Variants in DSCAML1 observed in about 807,000 individuals in gnomAD.
DSCAML1 encodes the protein DS cell adhesion molecule like 1, also known as cell adhesion molecule DSCAML1.
Under a neutral mutation model 200.5 loss-of-function variants are expected in DSCAML1, and 38 were observed. The ratio of observed to expected loss-of-function variants is 0.19; its 90% confidence interval spans 0.15 to 0.25. DSCAML1 has a LOEUF of 0.25. Among genes scored for constraint, DSCAML1 ranks in the 10% least tolerant of loss-of-function variants. DSCAML1 has a pLI of 1.00. For synonymous variants in DSCAML1, 1,215 were observed against 1,165.0 expected (o/e 1.04, Z -0.87); for missense variants, 2,223 against 2,858.8 (o/e 0.78, Z 5.07).
intron 3 of DSCAML1, among the ~76,000 whole-genome samples, chr11:117,771,126 G>A (rs867631210): frequency 3.0e-4 from 46 of 152,240 alleles, no homozygotes; most frequent in Admixed American, 3.9e-4. Flanking sequence ...TTCCAGCACC[G>A]GCACCACCTC....
intron 3 of DSCAML1, among the ~76,000 whole-genome samples, chr11:117,757,736 C>A (rs1480227282): frequency 6.6e-6 from 1 of 151,920 alleles, no homozygotes; most frequent in Non-Finnish European, 1.5e-5. Context: ...CTCAAAATCA[C>A]CTCAAGCATT....
intron 19 of DSCAML1, among the ~76,000 whole-genome samples, chr11:117,454,452 T>C (rs763771976): frequency 5.9e-5 from 9 of 152,258 alleles, no homozygotes; most frequent in Non-Finnish European, 8.8e-5. Context: ...ACCCATCAAC[T>C]GAGTTCTTAA....
At chr11:117,508,088 T>C (rs947931125) in intron 8 of DSCAML1, among the ~76,000 whole-genome samples, 9 of 152,140 alleles carry the variant, frequency 5.9e-5, no homozygotes, top group Non-Finnish European at 8.8e-5. Flanking sequence ...TGATGGATTG[T>C]AGCAGAGACC....
At chr11:117,439,744 G>T in intron 22 of DSCAML1, 75 bp downstream of exon 22, 3 of 1,412,784 alleles carry the variant, frequency 2.1e-6, no homozygotes, top group Non-Finnish European at 3.0e-6. Context: ...GAGGGCCCCA[G>T]ACTCTTCTCC....
intron 3 of DSCAML1, among the ~76,000 whole-genome samples, chr11:117,707,259 A>C (rs1591424490): frequency 6.6e-6 from 1 of 152,336 alleles, no homozygotes; most frequent in East Asian, 1.9e-4. Context: ...TTAAACTTCA[A>C]GTGATTAAAT....
intron 3 of DSCAML1, among the ~76,000 whole-genome samples, chr11:117,740,244 T>G (rs748404310): frequency 2.0e-5 from 3 of 152,208 alleles, no homozygotes; most frequent in Non-Finnish European, 4.4e-5. Context: ...AAGCCCATTT[T>G]ACTGATGAGA....
intron 19 of DSCAML1, among the ~76,000 whole-genome samples, chr11:117,457,467 G>A (rs1416853532): frequency 6.6e-6 from 1 of 152,216 alleles, no homozygotes; most frequent in Admixed American, 6.5e-5. Context: ...GTGTGGCCCT[G>A]AGGCCTCAGA....
At chr11:117,738,309 G>A (rs1343968186) in intron 3 of DSCAML1, among the ~76,000 whole-genome samples, 1 of 152,022 alleles carries the variant, frequency 6.6e-6, no homozygotes, top group African/African-American at 2.4e-5. Context: ...CACACAAAAT[G>A]AAACCTATTT....
rs145865458 is a variant in DSCAML1 at position 117,556,371 on chromosome 11, C to T, written c.512-23849G>A. ...AGCTCATCTGATGGGCCACAGAGGG[C>T]CACAGAAGGTTTCTGGAGGGGAGAA... On this transcript the variant is annotated intron_variant, in intron 3 of 32. Coordinates refer to ENST00000651296, the MANE Select transcript of DSCAML1 (RefSeq NM_020693.4). Among the ~76,000 whole-genome samples, 5 of 151,998 alleles carry T rather than the reference C, an allele frequency of 3.3e-5. No individual in the cohort carries two copies. The East Asian group carries it at 9.7e-4, about 29-fold the overall frequency.
Position 117,700,163 on chromosome 11 carries a change from G to T in DSCAML1, c.511+76628C>A, listed in dbSNP as rs565545539. ...GGGCCTTGGATGGTGCCTGGCGACT[G>T]CCCAGTAGATGTTTGAAGAATGAAT... On this transcript the variant is annotated intron_variant, in intron 3 of 32. Coordinates refer to ENST00000651296, the MANE Select transcript of DSCAML1 (RefSeq NM_020693.4). Among the ~76,000 whole-genome samples, 3 of 152,320 alleles carry T rather than the reference G, an allele frequency of 2.0e-5. No individual in the cohort carries two copies. In the East Asian group the frequency reaches 5.8e-4, roughly 29 times the overall value.
chr11:117,543,376 T>A (rs1028260170), intron 3 of DSCAML1, among the ~76,000 whole-genome samples: 13 of 151,940 alleles, frequency 8.6e-5, no homozygotes, highest in African/African-American at 3.1e-4. Flanking sequence ...TGCACTGGCA[T>A]GTTGTGTATC....
rs2049435679 is a variant in DSCAML1, at chr11:117,503,474, C to G, written c.2359+371G>C. ...GCTATTTTCCTTTCTAAGCCACAAGCAGGTTGTACACAAGCAAGTGTATAT... is the reference window on the plus strand; with the variant it reads ...GCTATTTTCCTTTCTAAGCCACAAGGAGGTTGTACACAAGCAAGTGTATAT... On this transcript the variant is annotated intron_variant, in intron 11 of 32. Coordinates refer to ENST00000651296, the MANE Select transcript of DSCAML1 (RefSeq NM_020693.4). The surrounding 1 kb of genome is among the most constrained non-coding windows in gnomAD (Gnocchi z 5.2). Among the ~76,000 whole-genome samples the G allele has an allele frequency of 6.6e-6, 1 of 152,148 alleles. No homozygotes were observed. Among genetic ancestry groups the G allele is most frequent in the Non-Finnish European group, 1.5e-5 (1 of 68,022 alleles).
chr11:117,492,175 G>C (rs1446395201), intron 11 of DSCAML1, among the ~76,000 whole-genome samples: 2 of 152,174 alleles, frequency 1.3e-5, no homozygotes, highest in African/African-American at 4.8e-5. Flanking sequence ...GGCTGGATGA[G>C]CCCTCCTCTA....
At position 117,567,094 on chromosome 11, in the gene DSCAML1, A is replaced by T. The variant is rs1370610659; in HGVS notation, c.512-34572T>A. ...TTTATAGTCCTTTGGGTATATACCCAGTAATGGGATGGCTGGGTCAAATGG... is the reference window on the plus strand; with the variant it reads ...TTTATAGTCCTTTGGGTATATACCCTGTAATGGGATGGCTGGGTCAAATGG... On this transcript the variant is annotated intron_variant, in intron 3 of 32. Transcript: ENST00000651296. 2.0e-5 allele frequency among the ~76,000 whole-genome samples: 3 copies of T among 152,250 alleles called. No individual in the cohort carries two copies. In the East Asian group the frequency reaches 5.8e-4, roughly 29 times the overall value.
intron 3 of DSCAML1, among the ~76,000 whole-genome samples, chr11:117,769,237 AT>A (rs1198815223): frequency 5.7e-5 from 2 of 35,044 alleles, no homozygotes; most frequent in African/African-American, 2.3e-4. Flanking sequence ...TATATTATAT[AT>A]TTTATATATG....
Position 117,558,959 on chromosome 11 carries a change from G to T in DSCAML1, c.512-26437C>A, listed in dbSNP as rs548739133. Reference sequence around the variant, plus strand: ...CACCAGGGCCAGGTGGTGGTGCCAAGGTCGTCTAGCTATTTATCTTACTTC... The same window carrying T: ...CACCAGGGCCAGGTGGTGGTGCCAATGTCGTCTAGCTATTTATCTTACTTC... On this transcript the variant is annotated intron_variant, in intron 3 of 32. Transcript: ENST00000651296. Among the ~76,000 whole-genome samples, 6 of 152,232 alleles carry T rather than the reference G, an allele frequency of 3.9e-5. No individual in the cohort carries two copies. In the South Asian group the frequency reaches 1.0e-3, roughly 26 times the overall value.
At chr11:117,680,129 G>T (rs957012371) in intron 3 of DSCAML1, among the ~76,000 whole-genome samples, 3 of 152,236 alleles carry the variant, frequency 2.0e-5, no homozygotes, top group Non-Finnish European at 4.4e-5. Context: ...GATCTCTAGA[G>T]TTCCAGCCTA....
At chr11:117,589,749 T>C (rs1163085592) in intron 3 of DSCAML1, among the ~76,000 whole-genome samples, 3 of 152,248 alleles carry the variant, frequency 2.0e-5, no homozygotes, top group Non-Finnish European at 2.9e-5. Context: ...TTAGTGTACC[T>C]TAAAACTTGT....
At chr11:117,486,295 AGATGTGAAAGTAGTG>A (rs1362188110) in intron 11 of DSCAML1, among the ~76,000 whole-genome samples, 1,842 of 126,690 alleles carry the variant, frequency 0.015, 51 homozygotes, top group African/African-American at 0.046. Flanking sequence ...TGAAAATGGC[AGATGTGAAAGTAGTG>A]GATGTGAAAG....
Sources: gnomAD v4.1 joint callset for allele counts (sites outside exome capture counted in the v4.1 genomes callset) on GRCh38, gnomAD v4.1.1 for gene constraint, Gnocchi (gnomAD v3.1) non-coding constraint, MANE v1.5 for transcripts, NCBI Gene and HGNC (gene_info 2026-07-23, HGNC 2026-07-21) for gene names.